Variants in LRRN1 observed in about 807,000 individuals in gnomAD.
LRRN1 encodes leucine rich repeat neuronal 1, also known as leucine-rich repeat neuronal protein 1.
A neutral mutation model predicts 45.8 loss-of-function variants in LRRN1; 14 were observed. That is an observed-to-expected ratio of 0.31 (90% CI 0.20 to 0.48). The LOEUF (loss-of-function observed/expected upper bound fraction) is 0.48. LRRN1 is among the 20% of genes least tolerant of loss of function. LRRN1 has a pLI of 0.99. For missense variants in LRRN1, 789 were observed against 874.2 expected (o/e 0.90, Z 1.23); for synonymous variants, 359 against 330.1 (o/e 1.09, Z -0.95).
chr3:3,823,894 A>G (rs1393885352), intron 1 of LRRN1, among the ~76,000 whole-genome samples: 3 of 152,188 alleles, frequency 2.0e-5, no homozygotes, highest in East Asian at 1.9e-4. Context: ...CAAAGCATCA[A>G]ATACTCAATA....
At chr3:3,815,470 T>G (rs1195870113) in intron 1 of LRRN1, among the ~76,000 whole-genome samples, 1 of 152,166 alleles carries the variant, frequency 6.6e-6, no homozygotes, top group Non-Finnish European at 1.5e-5. Context: ...GAAACCTACT[T>G]ACTAGCCACA....
intron 1 of LRRN1, chr3:3,822,617 C>A (rs760845951): frequency 6.6e-6 from 1 of 152,104 alleles, no homozygotes; most frequent in African/African-American, 2.4e-5. Flanking sequence ...AGAGAGATCA[C>A]AAAGAATTCT....
At chr3:3,821,152 T>C (rs889933678) in intron 1 of LRRN1, among the ~76,000 whole-genome samples, 13 of 152,334 alleles carry the variant, frequency 8.5e-5, no homozygotes, top group Middle Eastern at 6.8e-3. Flanking sequence ...TCCAGATTCA[T>C]GAACAACTAA....
intron 1 of LRRN1, among the ~76,000 whole-genome samples, chr3:3,842,853 T>C (rs1013930888): frequency 1.3e-5 from 2 of 152,148 alleles, no homozygotes; most frequent in African/African-American, 4.8e-5. Context: ...TTACACCTGA[T>C]TGGAATGCAG....
At chr3:3,826,579 C>G (rs1348795077) in intron 1 of LRRN1, among the ~76,000 whole-genome samples, 1 of 152,012 alleles carries the variant, frequency 6.6e-6, no homozygotes, top group Non-Finnish European at 1.5e-5. Flanking sequence ...TGTGTCCTTG[C>G]AAGGGGATAC....
At position 3,847,386 on chromosome 3, in the gene LRRN1, T is replaced by C. The variant is rs1449329583; in HGVS notation, c.*594T>C. 1.9e-4 allele frequency: 18 copies of C among 96,776 alleles called. No homozygotes were observed. The Admixed American group carries it at 1.9e-3, about 10-fold the overall frequency. The allele number at this position is 96,776 out of a possible 1,614,324, so 6.0% of individuals were successfully genotyped here. ...CAATGAATTTTCTTTTTCTTTCCTT[T>C]TTTTTTTTTTTGTTGTAATAGTTAA... On this transcript the variant is annotated 3_prime_UTR_variant, in exon 2 of 2. Transcript: ENST00000319331.
At chr3:3,808,995 T>C (rs1321157787) in intron 1 of LRRN1, among the ~76,000 whole-genome samples, 2 of 152,210 alleles carry the variant, frequency 1.3e-5, no homozygotes, top group African/African-American at 2.4e-5. Flanking sequence ...TATTAAGTTA[T>C]ATCATCATTG....
chr3:3,809,822 C>G (rs1228681523), intron 1 of LRRN1, among the ~76,000 whole-genome samples: 1 of 152,182 alleles, frequency 6.6e-6, no homozygotes, highest in East Asian at 1.9e-4. Flanking sequence ...AGCACAGTTC[C>G]TCTTCCAAGG....
rs550071250 is a variant in LRRN1, at chr3:3,836,585, T to C, written c.-278-7779T>C. On this transcript the variant is annotated intron_variant, in intron 1 of 1. Transcript: ENST00000319331. The stretch of plus-strand genomic sequence containing the variant: ...GTGTGTGTGTTTGTGTGTGTGTATG[T>C]AGTAGTGGTTTTTACTGATTGGCAC... Among the ~76,000 whole-genome samples the C allele has an allele frequency of 7.5e-4, 114 of 152,256 alleles. 1 individual carries two copies. Among genetic ancestry groups the C allele is most frequent in the African/African-American group, 2.6e-3 (108 of 41,542 alleles).
At chr3:3,820,555 A>G (rs774732811) in intron 1 of LRRN1, among the ~76,000 whole-genome samples, 2 of 152,224 alleles carry the variant, frequency 1.3e-5, no homozygotes, top group Non-Finnish European at 2.9e-5. Flanking sequence ...ATCTATTCTG[A>G]TGGAAACCTT....
At chr3:3,819,070 T>G (rs1171524922) in intron 1 of LRRN1, among the ~76,000 whole-genome samples, 2 of 152,082 alleles carry the variant, frequency 1.3e-5, no homozygotes, top group South Asian at 2.1e-4. Flanking sequence ...CACAGCTCAC[T>G]TGCAGCCTTG....
At chr3:3,835,848 C>T (rs1481254136) in intron 1 of LRRN1, among the ~76,000 whole-genome samples, 1 of 151,636 alleles carries the variant, frequency 6.6e-6, no homozygotes, top group South Asian at 2.1e-4. Context: ...ACAGAGTGTC[C>T]CAAACATATC....
At chr3:3,813,240 G>A (rs1270735711) in intron 1 of LRRN1, among the ~76,000 whole-genome samples, 1 of 152,194 alleles carries the variant, frequency 6.6e-6, no homozygotes, top group African/African-American at 2.4e-5. Context: ...TTTCGTCGGT[G>A]CTCTAATGAC....
chr3:3,810,754 A>C (rs1172784432), intron 1 of LRRN1, among the ~76,000 whole-genome samples: 1 of 152,226 alleles, frequency 6.6e-6, no homozygotes, highest in Admixed American at 6.5e-5. Context: ...TCACCAGGCA[A>C]GCCAAATCAG....
chr3:3,820,002 C>G (rs1693070429), intron 1 of LRRN1, among the ~76,000 whole-genome samples: 1 of 152,180 alleles, frequency 6.6e-6, no homozygotes, highest in African/African-American at 2.4e-5. Flanking sequence ...TATGCTCATT[C>G]TCGTATTCTA....
In LRRN1 at chr3:3,848,671, G is replaced by C. The variant is rs1053527719; in HGVS notation, c.*1879G>C. On this transcript the variant is annotated 3_prime_UTR_variant, in exon 2 of 2. Coordinates refer to ENST00000319331, the MANE Select transcript of LRRN1 (RefSeq NM_020873.7). The stretch of plus-strand genomic sequence containing the variant: ...CAGAAAAATAAGTACCTGAGCTCGA[G>C]GTATCCCTTCCCAAAGCCTTCACTT... 1.3e-5 allele frequency among the ~76,000 whole-genome samples: 2 copies of C among 152,288 alleles called. No individual in the cohort carries two copies. Among genetic ancestry groups the C allele is most frequent in the East Asian group, 1.9e-4 (1 of 5,178 alleles).
intron 1 of LRRN1, among the ~76,000 whole-genome samples, chr3:3,810,967 C>T (rs1321126171): frequency 1.3e-5 from 2 of 152,190 alleles, no homozygotes; most frequent in Non-Finnish European, 2.9e-5. Context: ...GTTTAATCCT[C>T]GTCATCAGTG....
intron 1 of LRRN1, among the ~76,000 whole-genome samples, chr3:3,836,202 G>GT (rs1337898303): frequency 2.6e-5 from 4 of 152,132 alleles, no homozygotes; most frequent in Admixed American, 2.6e-4. Flanking sequence ...TTTTTTTGTG[G>GT]TAAAAACACT....
intron 1 of LRRN1, chr3:3,804,195 C>A (rs1692710089): frequency 6.6e-6 from 1 of 152,148 alleles, no homozygotes; most frequent in Non-Finnish European, 1.5e-5. Context: ...AGCTATTATC[C>A]AGTCGTAGCT....
Sources: gnomAD v4.1 joint callset for allele counts (sites outside exome capture counted in the v4.1 genomes callset) on GRCh38, gnomAD v4.1.1 for gene constraint, MANE v1.5 for transcripts, NCBI Gene and HGNC (gene_info 2026-07-23, HGNC 2026-07-21) for gene names.